UBXN2A: variants seen among roughly 807,000 people sequenced by gnomAD.
UBXN2A encodes the protein UBX domain protein 2A.
A neutral mutation model predicts 28.4 loss-of-function variants in UBXN2A; 28 were observed. That is an observed-to-expected ratio of 0.99 (90% CI 0.73 to 1.35). The LOEUF is 1.35. Among genes scored for constraint, UBXN2A ranks in the 40% most tolerant of loss-of-function variants. The pLI is 0.00. For missense variants in UBXN2A, 253 were observed against 297.9 expected (o/e 0.85, Z 1.11); for synonymous variants, 97 against 103.6 (o/e 0.94, Z 0.39).
intron 1 of UBXN2A, among the ~76,000 whole-genome samples, chr2:23,953,153 GT>G (rs1461866606): frequency 1.3e-5 from 2 of 151,894 alleles, no homozygotes; most frequent in Admixed American, 6.6e-5. Context: ...ATTATTAAGA[GT>G]AATTTTCTGA....
chr2:23,986,183 G>A (rs188474678), intron 6 of UBXN2A, among the ~76,000 whole-genome samples: 1 of 151,944 alleles, frequency 6.6e-6, no homozygotes, highest in East Asian at 1.9e-4. Flanking sequence ...GGTGGTGGGC[G>A]CCTGTAGTCC....
At chr2:23,941,333 G>C (rs564053319) in intron 1 of UBXN2A, among the ~76,000 whole-genome samples, 1 of 152,288 alleles carries the variant, frequency 6.6e-6, no homozygotes, top group East Asian at 1.9e-4. Flanking sequence ...TTGTTTTTAG[G>C]GGGGAAACTT....
intron 1 of UBXN2A, among the ~76,000 whole-genome samples, chr2:23,950,303 T>G (rs1706301476): frequency 6.6e-6 from 1 of 152,168 alleles, no homozygotes; most frequent in Non-Finnish European, 1.5e-5. Context: ...AGGACGATGA[T>G]TACAATGTGA....
intron 1 of UBXN2A, among the ~76,000 whole-genome samples, chr2:23,942,574 A>G (rs900831952): frequency 2.0e-5 from 3 of 151,046 alleles, no homozygotes; most frequent in Admixed American, 2.0e-4. Context: ...GCGCGCCACC[A>G]TGCCCGGCTA....
At chr2:23,934,042 C>G (rs986393172) in intron 1 of UBXN2A, among the ~76,000 whole-genome samples, 4 of 152,004 alleles carry the variant, frequency 2.6e-5, no homozygotes, top group African/African-American at 9.7e-5. Context: ...ATGGTGAAAC[C>G]CTGTCTCTAC....
In UBXN2A at chr2:23,984,708, T is replaced by C. The variant is rs766684883; in HGVS notation, c.461T>C (p.Ile154Thr). 3.2e-6 allele frequency: 5 copies of C among 1,561,726 alleles called. No homozygotes were observed. Among genetic ancestry groups the C allele is most frequent in the Non-Finnish European group, 4.3e-6 (5 of 1,162,918 alleles). ...AAAATTGTTTCTAAAGCAAAGAATA[T>C]TGAAGTTGAAAATAAAAATAATTTG... Reference protein sequence around the residue: ...TPKIVSKAKNIEVENKNNLSA... With the variant: ...TPKIVSKAKNTEVENKNNLSA... Residue 154 changes from isoleucine (I) to threonine (T), a missense_variant, in exon 6 of 7, where the codon ATT becomes ACT. Transcript: ENST00000309033.
At position 23,934,941 on chromosome 2, in the gene UBXN2A, G is replaced by A. The variant is rs956048211; in HGVS notation, c.-137-4599G>A. 3.9e-5 allele frequency among the ~76,000 whole-genome samples: 6 copies of A among 151,942 alleles called. No homozygotes were observed. In the East Asian group the frequency reaches 5.8e-4, roughly 15 times the overall value. On this transcript the variant is annotated intron_variant, in intron 1 of 7. Coordinates refer to the UBXN2A transcript ENST00000404924. ...GTACAAAAAATTAGCTGGGTGTGGC[G>A]GTGCATACCTGTAATCCCAGCTACT... is the stretch of plus-strand genomic sequence containing the variant.
At chr2:23,948,649 G>A (rs1269270173) in intron 1 of UBXN2A, among the ~76,000 whole-genome samples, 2 of 152,150 alleles carry the variant, frequency 1.3e-5, no homozygotes, top group African/African-American at 4.8e-5. Context: ...AGAACAACCT[G>A]AGGGGGATAA....
At chr2:23,956,165 C>T (rs1706612821) in intron 1 of UBXN2A, among the ~76,000 whole-genome samples, 1 of 134,164 alleles carries the variant, frequency 7.5e-6, no homozygotes, top group South Asian at 2.6e-4. Flanking sequence ...TACCTGACCT[C>T]ATCTTTTTTA....
intron 6 of UBXN2A, among the ~76,000 whole-genome samples, chr2:23,990,952 A>G (rs903998605): frequency 6.6e-6 from 1 of 152,088 alleles, no homozygotes; most frequent in Non-Finnish European, 1.5e-5. Context: ...CCTACCCACC[A>G]GCTTGGATAT....
intron 6 of UBXN2A, 51 bp downstream of exon 6, chr2:23,984,882 AT>A: frequency 2.6e-6 from 4 of 1,521,876 alleles, no homozygotes; most frequent in Non-Finnish European, 3.5e-6. Context: ...TTAAAATTTC[AT>A]TTTTTCTTTT....
intron 2 of UBXN2A, among the ~76,000 whole-genome samples, chr2:23,964,391 G>C (rs1044486443): frequency 6.6e-6 from 1 of 152,118 alleles, no homozygotes; most frequent in Non-Finnish European, 1.5e-5. Flanking sequence ...TGTATTTTTA[G>C]TAGGGACAGG....
intron 1 of UBXN2A, among the ~76,000 whole-genome samples, chr2:23,942,694 C>T (rs1362626737): frequency 2.0e-5 from 3 of 151,892 alleles, no homozygotes; most frequent in African/African-American, 7.3e-5. Context: ...GCTGGGATTA[C>T]AGACGTGAGC....
chr2:23,955,634 A>G (rs932208909), intron 1 of UBXN2A, among the ~76,000 whole-genome samples: 1 of 152,342 alleles, frequency 6.6e-6, no homozygotes, highest in Non-Finnish European at 1.5e-5. Flanking sequence ...TGTATGGTGT[A>G]GCATATTGCT....
intron 1 of UBXN2A, among the ~76,000 whole-genome samples, chr2:23,927,856 A>C (rs941555533): frequency 1.3e-5 from 2 of 152,182 alleles, no homozygotes; most frequent in Non-Finnish European, 2.9e-5. Context: ...AAGAAAAAAA[A>C]ATTAAGCCAC....
chr2:23,991,991 G>T (rs1292812247), intron 6 of UBXN2A, among the ~76,000 whole-genome samples: 1 of 151,758 alleles, frequency 6.6e-6, no homozygotes, highest in Admixed American at 6.6e-5. Context: ...TTTGTTTTTT[G>T]AGATGGAGTC....
At chr2:23,988,688 C>G (rs938535883) in intron 6 of UBXN2A, among the ~76,000 whole-genome samples, 4 of 152,146 alleles carry the variant, frequency 2.6e-5, no homozygotes, top group Non-Finnish European at 4.4e-5. Context: ...TGTAATTAAT[C>G]TGTATTTAGT....
At chr2:23,977,113 CA>C in intron 4 of UBXN2A, 38 bp downstream of exon 4, 1 of 1,543,612 alleles carries the variant, frequency 6.5e-7, no homozygotes, top group Non-Finnish European at 8.9e-7. Flanking sequence ...CCTGTAAACC[CA>C]AAACTTTGGC....
intron 2 of UBXN2A, among the ~76,000 whole-genome samples, chr2:23,970,641 CTAT>C (rs749250706): frequency 1.8e-4 from 28 of 152,056 alleles, no homozygotes; most frequent in Middle Eastern, 3.4e-3. Context: ...CACTTTATTT[CTAT>C]TATTATTACA....
Sources: gnomAD v4.1 joint callset for allele counts (sites outside exome capture counted in the v4.1 genomes callset) on GRCh38, gnomAD v4.1.1 for gene constraint, MANE v1.5 for transcripts, NCBI Gene and HGNC (gene_info 2026-07-23, HGNC 2026-07-21) for gene names.